GCC2: variants seen among roughly 807,000 people sequenced by gnomAD.
GCC2 encodes GRIP and coiled-coil domain containing 2, also known as GRIP and coiled-coil domain-containing protein 2.
A neutral mutation model predicts 210.6 loss-of-function variants in GCC2; 120 were observed. The ratio of observed to expected loss-of-function variants is 0.57; its 90% CI spans 0.49 to 0.66. The LOEUF (loss-of-function observed/expected upper bound fraction) is 0.66. Ranked by LOEUF, GCC2 falls within the 30% of genes least tolerant of loss-of-function variation. GCC2 has a pLI of 0.00. For synonymous variants in GCC2, 703 were observed against 652.7 expected (o/e 1.08, Z -1.17); for missense variants, 1,868 against 1,871.9 (o/e 1.00, Z 0.04).
At chr2:108,465,997 G>A (rs1368432990) in intron 4 of GCC2, among the ~76,000 whole-genome samples, 1 of 152,144 alleles carries the variant, frequency 6.6e-6, no homozygotes, top group East Asian at 1.9e-4. Context: ...GATTAAGGTG[G>A]TATCTCACTG....
Position 108,483,143 on chromosome 2 carries a change from C to T in GCC2, c.3427C>T (p.Gln1143Ter). ...KQKKQLQKTM[Q>*]ELELVKKDAQ... is the part of the protein sequence containing the mutation. ...AAAGAAACAGCTTCAGAAAACCATG[C>T]AAGAATTAGAGCTGGTTAAAAAGGT... Residue 1143 changes from glutamine (Q) to a stop codon, truncating the protein, a stop_gained, in exon 12 of 23, where the codon CAA becomes TAA. Coordinates refer to ENST00000309863, the MANE Select transcript of GCC2 (RefSeq NM_181453.4). LOFTEE classifies it high-confidence loss of function. The T allele has an allele frequency of 1.3e-6, 2 of 1,539,326 alleles. No individual in the cohort carries two copies. The highest frequency in any genetic ancestry group is 1.8e-6 in the Non-Finnish European group (2 of 1,112,668).
At position 108,481,755 on chromosome 2, in the gene GCC2, C is replaced by T. The variant is rs745710611; in HGVS notation, c.3119C>T (p.Ala1040Val). 10 of 1,602,486 alleles carry T rather than the reference C, an allele frequency of 6.2e-6. No individual in the cohort carries two copies. In the African/African-American group the frequency reaches 6.7e-5, roughly 11 times the overall value. ...SEQLDVEKER[A>V]NNFEHRIEDL... Reference sequence around the variant, plus strand: ...CAACTGGATGTGGAAAAAGAACGTGCTAATAATTTTGAGCATCGTATTGAA... The same window carrying T: ...CAACTGGATGTGGAAAAAGAACGTGTTAATAATTTTGAGCATCGTATTGAA... The change falls in exon 10 of 23, where the codon GCT becomes GTT. Residue 1040 changes from alanine to valine, a missense_variant. Transcript: ENST00000309863.
rs201325666 is a variant in GCC2 at position 108,471,875 on chromosome 2, A to G, written c.2546A>G (p.Glu849Gly). The change falls in exon 6 of 23, where the codon GAA becomes GGA. Residue 849 changes from glutamate to glycine, a missense_variant. By Grantham distance (98) the Glu-to-Gly change is moderately conservative. Around this residue, in one of 3 missense-constraint regions of GCC2, gnomAD observed 1,847 missense variants for 1,765.2 expected, o/e 1.05. Coordinates refer to ENST00000309863, the MANE Select transcript of GCC2 (RefSeq NM_181453.4). ...EKVLLRKELE[E>G]IQSEKEALQS... Reference sequence around the variant, plus strand: ...GTTCTCTTAAGGAAAGAGTTAGAAGAAATACAGTCAGAAAAAGAGGCCCTG... The same window carrying G: ...GTTCTCTTAAGGAAAGAGTTAGAAGGAATACAGTCAGAAAAAGAGGCCCTG... The G allele has an allele frequency of 4.8e-5, 78 of 1,610,278 alleles. No individual in the cohort carries two copies. In the African/African-American group the frequency reaches 8.8e-4, roughly 18 times the overall value.
chr2:108,495,512 TTCTTATTTAATTTCACTG>T lies in GCC2; in HGVS notation c.4642+40_4642+57del, dbSNP rs752550967. 4.1e-6 allele frequency: 6 copies of T among 1,462,834 alleles called. No individual in the cohort carries two copies. The African/African-American group carries it at 8.4e-5, about 20-fold the overall frequency. The allele number at this position is 1,462,834 out of a possible 1,614,324, so 90.6% of individuals were successfully genotyped here. A position where few individuals can be genotyped will look rare whatever the true frequency, so the allele number is the denominator to read the frequency against. On this transcript the variant is annotated intron_variant, in intron 20 of 22. Transcript: ENST00000309863. ...TATGTTACTCTGTCTAAATATGTTTTTCTTATTTAATTTCACTGTCTTATTTAATTACTATTACTCTAA... is the reference window on the plus strand; with the variant it reads ...TATGTTACTCTGTCTAAATATGTTTTTCTTATTTAATTACTATTACTCTAA...
intron 2 of GCC2, among the ~76,000 whole-genome samples, chr2:108,450,296 AT>A (rs1394383397): frequency 3.3e-5 from 5 of 152,204 alleles, no homozygotes; most frequent in African/African-American, 7.2e-5. Context: ...CAATTTTTTA[AT>A]TAAAGCCTGA....
intron 4 of GCC2, among the ~76,000 whole-genome samples, chr2:108,458,267 T>C (rs1041323891): frequency 2.0e-5 from 3 of 148,310 alleles, no homozygotes; most frequent in African/African-American, 7.3e-5. Flanking sequence ...AATAAATTCA[T>C]TTGATCATGG....
At position 108,488,051 on chromosome 2, in the gene GCC2, G is replaced by A. The variant is rs144968367; in HGVS notation, c.4052+231G>A. ...CTCCTGAGTAGCTGGGATTACAGGCGTGTACCATCATACCCAGCTAATTTT... is the reference window on the plus strand; with the variant it reads ...CTCCTGAGTAGCTGGGATTACAGGCATGTACCATCATACCCAGCTAATTTT... On this transcript the variant is annotated intron_variant, in intron 17 of 22. Transcript: ENST00000309863. 9.4e-3 allele frequency among the ~76,000 whole-genome samples: 1,423 copies of A among 151,884 alleles called. 10 individuals are homozygous for A. Among genetic ancestry groups the A allele is most frequent in the Middle Eastern group, 0.024 (7 of 294 alleles).
chr2:108,453,799 A>G (rs1205026770), intron 4 of GCC2, among the ~76,000 whole-genome samples: 4 of 151,634 alleles, frequency 2.6e-5, no homozygotes, highest in Admixed American at 2.0e-4. Flanking sequence ...AAAAAAAAAA[A>G]AAACACAAAA....
Position 108,492,744 on chromosome 2 carries a change from G to T in GCC2, c.4401G>T (p.Lys1467Asn). Residue 1467 changes from lysine to asparagine, a missense_variant, in exon 19 of 23, where the codon AAG (lysine) becomes AAT (asparagine). Lys to Asn is a moderately conservative substitution (Grantham distance 94). Around this residue, in one of 3 missense-constraint regions of GCC2, gnomAD observed 1,847 missense variants for 1,765.2 expected, o/e 1.05. Coordinates refer to ENST00000309863, the MANE Select transcript of GCC2 (RefSeq NM_181453.4). The part of the protein sequence containing the change: ...TVETLQQQLS[K>N]MEAQLFQLKN... The stretch of plus-strand genomic sequence containing the variant: ...AGACATTACAGCAGCAGCTCTCCAA[G>T]ATGGAAGCACAGCTCTTCCAGCTTA... 1 of 1,614,088 alleles carries T rather than the reference G, an allele frequency of 6.2e-7. No individual in the cohort carries two copies. The highest frequency in any genetic ancestry group is 8.5e-7 in the Non-Finnish European group (1 of 1,179,922).
chr2:108,496,399 G>C (rs1384751322), intron 20 of GCC2: 1 of 157,820 alleles, frequency 6.3e-6, no homozygotes, highest in Non-Finnish European at 1.4e-5. Flanking sequence ...ACGTGGGGTA[G>C]AAACTGCAAG....
chr2:108,449,599 T>TAGAA (rs745810912), intron 1 of GCC2, 34 bp from the exon 2 acceptor site: 3 of 1,601,778 alleles, frequency 1.9e-6, no homozygotes, highest in Non-Finnish European at 2.6e-6. Context: ...GGAAAAGAGT[T>TAGAA]CTTCTGACAC....
intron 22 of GCC2, among the ~76,000 whole-genome samples, chr2:108,501,702 T>C (rs1682934614): frequency 6.6e-6 from 1 of 152,186 alleles, no homozygotes; most frequent in South Asian, 2.1e-4. Flanking sequence ...TGGTCCCCAA[T>C]TTCTGACCCA....
At position 108,492,751 on chromosome 2, in the gene GCC2, G is replaced by A. The variant is rs776879822; in HGVS notation, c.4408G>A (p.Ala1470Thr). ...ACAGCAGCAGCTCTCCAAGATGGAA[G>A]CACAGCTCTTCCAGCTTAAGAATGA... Reference protein sequence around the residue: ...TLQQQLSKMEAQLFQLKNEPT... With the variant: ...TLQQQLSKMETQLFQLKNEPT... Residue 1470 changes from alanine to threonine, a missense_variant, in exon 19 of 23, where the codon GCA (alanine) becomes ACA (threonine). Physicochemically the swap from Ala to Thr is moderately conservative, Grantham distance 58 (BLOSUM62 0). Around this residue, in one of 3 missense-constraint regions of GCC2, gnomAD observed 1,847 missense variants for 1,765.2 expected, o/e 1.05. Coordinates refer to ENST00000309863, the MANE Select transcript of GCC2 (RefSeq NM_181453.4). 3 of 1,613,816 alleles carry A rather than the reference G, an allele frequency of 1.9e-6. No homozygotes were observed. The highest frequency in any genetic ancestry group is 8.5e-7 in the Non-Finnish European group (1 of 1,179,666).
In GCC2 at chr2:108,486,951, G is replaced by T. The variant is rs149265530; in HGVS notation, c.3930+303G>T. On this transcript the variant is annotated intron_variant, in intron 16 of 22. Transcript: ENST00000309863. ...TTAGAAACGTGTTACAGTTCTTAGG[G>T]CTAAATGATTATAAAATAACATTTT... Among the ~76,000 whole-genome samples, 6 of 152,158 alleles carry T rather than the reference G, an allele frequency of 3.9e-5. No homozygotes were observed. In the East Asian group the frequency reaches 1.2e-3, roughly 29 times the overall value.
At chr2:108,502,322 C>T (rs909979445) in intron 22 of GCC2, among the ~76,000 whole-genome samples, 40 of 152,122 alleles carry the variant, frequency 2.6e-4, no homozygotes, top group Non-Finnish European at 4.4e-4. Context: ...ATGTTGCTAA[C>T]GTCCAGGTGG....
At chr2:108,501,519 A>G (rs2917983) in intron 22 of GCC2, among the ~76,000 whole-genome samples, 98,065 of 151,588 alleles carry the variant, frequency 0.65, 32,294 homozygotes, top group East Asian at 0.96. Flanking sequence ...TAAGACATCA[A>G]GAGGCCCAGA....
At chr2:108,476,056 T>C (rs890570374) in intron 9 of GCC2, among the ~76,000 whole-genome samples, 25,501 of 71,374 alleles carry the variant, frequency 0.36, 6,260 homozygotes, top group East Asian at 0.88. Context: ...GTGGCTTGCT[T>C]TTTTTTTTTT....
Position 108,471,337 on chromosome 2 carries a change from A to G in GCC2, c.2008A>G (p.Met670Val). ...AAATGACCAAAAACTAGAAAAACTT[A>G]TGGTTCAAATGAAAGTTCTCTCTGA... Reference protein sequence around the residue: ...DQNDQKLEKLMVQMKVLSEDK... With the variant: ...DQNDQKLEKLVVQMKVLSEDK... Residue 670 changes from methionine (M) to valine (V), a missense_variant, in exon 6 of 23, where the codon ATG (methionine) becomes GTG (valine). Transcript: ENST00000309863. 3.1e-6 allele frequency: 5 copies of G among 1,611,962 alleles called. No individual in the cohort carries two copies. In the South Asian group the frequency reaches 5.5e-5, roughly 18 times the overall value.
chr2:108,497,318 A>G (rs1344145488), intron 21 of GCC2, among the ~76,000 whole-genome samples: 2 of 152,112 alleles, frequency 1.3e-5, no homozygotes, highest in Admixed American at 6.5e-5. Context: ...AGGGTTTACC[A>G]TGTTAGCCAG....
Sources: gnomAD v4.1 joint callset for allele counts (sites outside exome capture counted in the v4.1 genomes callset) on GRCh38, gnomAD v4.1.1 for gene constraint, gnomAD v4.1.1 regional missense constraint, MANE v1.5 for transcripts, NCBI Gene and HGNC (gene_info 2026-07-23, HGNC 2026-07-21) for gene names.